SLC8A1: variants seen among roughly 807,000 people sequenced by gnomAD.
SLC8A1 encodes solute carrier family 8 member A1, also known as sodium/calcium exchanger 1.
SLC8A1 carries 18 observed loss-of-function variants against 68.3 expected under a neutral mutation model. The observed-to-expected ratio is 0.26, with a 90% CI of 0.18 to 0.39. SLC8A1 has a LOEUF of 0.39. Ranked by LOEUF, SLC8A1 falls within the 10% of genes least tolerant of loss-of-function variation. SLC8A1 has a pLI of 1.00. For missense variants in SLC8A1, 985 were observed against 1,156.7 expected (o/e 0.85, Z 2.15); for synonymous variants, 475 against 415.5 (o/e 1.14, Z -1.74).
intron 5 of SLC8A1, among the ~76,000 whole-genome samples, chr2:40,163,674 C>CTGTT (rs1179958108): frequency 1.3e-5 from 2 of 152,052 alleles, no homozygotes; most frequent in African/African-American, 4.8e-5. Flanking sequence ...ATTGGTTCCA[C>CTGTT]TGTTTACCCC....
intron 1 of SLC8A1, among the ~76,000 whole-genome samples, chr2:40,431,308 G>A (rs1236889235): frequency 1.3e-5 from 2 of 151,938 alleles, no homozygotes; most frequent in African/African-American, 4.8e-5. Flanking sequence ...TCTGTCGAGG[G>A]TTCAAGTGAC....
intron 2 of SLC8A1, among the ~76,000 whole-genome samples, chr2:40,356,821 A>G (rs1190456502): frequency 2.0e-5 from 3 of 152,184 alleles, no homozygotes; most frequent in African/African-American, 4.8e-5. Context: ...GTGAGGAGAA[A>G]CCAATGTGAG....
chr2:40,200,327 G>C (rs539382104), intron 2 of SLC8A1, among the ~76,000 whole-genome samples: 3 of 130,846 alleles, frequency 2.3e-5, no homozygotes, highest in East Asian at 4.6e-4. Flanking sequence ...TCTTCAGGTA[G>C]GTTGAGAGCT....
At chr2:40,276,929 GA>G (rs928185108) in intron 2 of SLC8A1, among the ~76,000 whole-genome samples, 7 of 152,160 alleles carry the variant, frequency 4.6e-5, no homozygotes, top group Admixed American at 2.6e-4. Context: ...GTTCAACTTA[GA>G]AAGGCTTGAG....
chr2:40,122,156 C>T (rs903608153), intron 7 of SLC8A1, among the ~76,000 whole-genome samples: 3 of 151,702 alleles, frequency 2.0e-5, no homozygotes, highest in African/African-American at 7.3e-5. Context: ...ATTTATTTAC[C>T]CAAGTAAATA....
At chr2:40,324,982 G>A (rs539404331) in intron 2 of SLC8A1, among the ~76,000 whole-genome samples, 57 of 152,028 alleles carry the variant, frequency 3.7e-4, no homozygotes, top group African/African-American at 1.4e-3. Context: ...GTGCCCTTCT[G>A]TATCCTAACA....
At chr2:40,438,274 G>A (rs1316813272) in intron 1 of SLC8A1, among the ~76,000 whole-genome samples, 1 of 152,054 alleles carries the variant, frequency 6.6e-6, no homozygotes, top group African/African-American at 2.4e-5. Flanking sequence ...CTTAAACACT[G>A]AAAAAGAATG....
At chr2:40,223,286 T>C (rs1242011401) in intron 2 of SLC8A1, among the ~76,000 whole-genome samples, 1 of 152,142 alleles carries the variant, frequency 6.6e-6, no homozygotes, top group African/African-American at 2.4e-5. Context: ...AAACACCACA[T>C]GTTCTCACTC....
At chr2:40,477,531 CAA>C (rs1162477669) in intron 1 of SLC8A1, among the ~76,000 whole-genome samples, 6 of 152,178 alleles carry the variant, frequency 3.9e-5, no homozygotes, top group Non-Finnish European at 5.9e-5. Context: ...ACCCAAATGC[CAA>C]AGACTCTTGA....
chr2:40,272,449 A>G (rs968605555), intron 2 of SLC8A1, among the ~76,000 whole-genome samples: 1 of 152,170 alleles, frequency 6.6e-6, no homozygotes, highest in African/African-American at 2.4e-5. Context: ...TCATTTGCAG[A>G]CAAGGATGAA....
In SLC8A1 at chr2:40,410,738, A is replaced by G. The variant is rs184599423; in HGVS notation, c.1808+17735T>C. Among the ~76,000 whole-genome samples the G allele has an allele frequency of 2.6e-3, 395 of 152,158 alleles. 2 individuals carry two copies. The highest frequency in any genetic ancestry group is 9.1e-3 in the African/African-American group (379 of 41,538). On this transcript the variant is annotated intron_variant, in intron 2 of 7. Coordinates refer to ENST00000406785, the Ensembl canonical transcript of SLC8A1. ...ACATATCTTCCCACTCTGTGAGCTC[A>G]CCTATAAGTTATCTTCAAAATCTGA...
At chr2:40,153,777 T>A (rs931757302) in intron 6 of SLC8A1, among the ~76,000 whole-genome samples, 2 of 152,320 alleles carry the variant, frequency 1.3e-5, no homozygotes, top group Middle Eastern at 3.4e-3. Context: ...AAAACATTCC[T>A]TATGATGGGA....
At chr2:40,254,914 C>CTATT (rs1458010215) in intron 2 of SLC8A1, 4 of 152,312 alleles carry the variant, frequency 2.6e-5, no homozygotes, top group African/African-American at 9.6e-5. Context: ...GTGCAAGGCA[C>CTATT]TATTTAATTA....
intron 2 of SLC8A1, among the ~76,000 whole-genome samples, chr2:40,333,007 C>G (rs1366344478): frequency 6.6e-6 from 1 of 152,176 alleles, no homozygotes; most frequent in African/African-American, 2.4e-5. Flanking sequence ...GTAGCTTTCT[C>G]TTCCTTAGTC....
chr2:40,435,891 T>C (rs913184265), intron 1 of SLC8A1, among the ~76,000 whole-genome samples: 1 of 151,898 alleles, frequency 6.6e-6, no homozygotes, highest in Non-Finnish European at 1.5e-5. Flanking sequence ...TTCTTCTGCC[T>C]CAGCCTGCCA....
Position 40,186,245 on chromosome 2 carries a change from C to G in SLC8A1, c.1809-8390G>C, listed in dbSNP as rs768482140. On this transcript the variant is annotated intron_variant, in intron 2 of 7. Transcript: ENST00000406785. The stretch of plus-strand genomic sequence containing the variant: ...AAGTCAGTAGCTCTGTTCATATCAC[C>G]TTGGGCATTCTCTAGTTCTTTTGTT... Among the ~76,000 whole-genome samples the G allele has an allele frequency of 6.0e-4, 92 of 152,350 alleles. No homozygotes were observed. The Middle Eastern group carries it at 0.01, about 17-fold the overall frequency.
At chr2:40,459,866 C>T (rs931045518) in intron 1 of SLC8A1, among the ~76,000 whole-genome samples, 3 of 152,184 alleles carry the variant, frequency 2.0e-5, no homozygotes, top group African/African-American at 7.2e-5. Flanking sequence ...ATACACAACA[C>T]ACACACACTC....
At chr2:40,340,718 G>A (rs961157215) in intron 2 of SLC8A1, among the ~76,000 whole-genome samples, 4 of 152,166 alleles carry the variant, frequency 2.6e-5, no homozygotes, top group African/African-American at 4.8e-5. Flanking sequence ...TTTAATTCTT[G>A]AGACTGGCCT....
chr2:40,276,452 C>G (rs771148559), intron 2 of SLC8A1, among the ~76,000 whole-genome samples: 1 of 152,160 alleles, frequency 6.6e-6, no homozygotes, highest in Non-Finnish European at 1.5e-5. Flanking sequence ...ATATTTTCCT[C>G]ATTTCAGAGA....
Sources: gnomAD v4.1 joint callset for allele counts (sites outside exome capture counted in the v4.1 genomes callset) on GRCh38, gnomAD v4.1.1 for gene constraint, MANE v1.5 for transcripts, NCBI Gene and HGNC (gene_info 2026-07-23, HGNC 2026-07-21) for gene names.